The following FAM184A variants were observed in gnomAD, a reference collection of about 807,000 sequenced individuals.
FAM184A encodes the protein protein FAM184A.
A neutral mutation model predicts 143.8 loss-of-function variants in FAM184A; 99 were observed. That is an observed-to-expected ratio of 0.69 (90% CI 0.58 to 0.81). FAM184A has a LOEUF of 0.81. Ranked by LOEUF, FAM184A falls within the 40% of genes least tolerant of loss-of-function variation. The pLI is 0.00. For synonymous variants in FAM184A, 427 were observed against 446.4 expected, an observed-to-expected ratio of 0.96 and a Z score of 0.55; for missense variants, 1,217 against 1,310.5, an observed-to-expected ratio of 0.93 and a Z score of 1.10.
chr6:118,997,928 C>T (rs1446898282), intron 9 of FAM184A, among the ~76,000 whole-genome samples: 1 of 152,118 alleles, frequency 6.6e-6, no homozygotes. Context: ...AAGCAGTTTA[C>T]AACAAACCTT....
chr6:119,078,200 T>C lies in FAM184A; in HGVS notation c.100A>G (p.Met34Val). The change falls in exon 1 of 18, where the codon ATG becomes GTG. Residue 34 changes from methionine (M) to valine (V), a missense_variant. Transcript: ENST00000338891. This position sits in a 1 kb window ranked among gnomAD's most constrained non-coding sequence, Gnocchi z 5.5. ...PATAQLAGHS[M>V]DYSQEMHLKM... ...AGGTGCATCTCCTGGCTGTAGTCCATGCTGTGCCCAGCCAGCTGTGCGGTG... is the reference window on the plus strand; with the variant it reads ...AGGTGCATCTCCTGGCTGTAGTCCACGCTGTGCCCAGCCAGCTGTGCGGTG... The C allele has an allele frequency of 6.3e-7, 1 of 1,579,084 alleles. No individual in the cohort carries two copies.
chr6:119,124,175 C>T (rs1269662578), intron 1 of FAM184A, among the ~76,000 whole-genome samples: 1 of 152,122 alleles, frequency 6.6e-6, no homozygotes, highest in Non-Finnish European at 1.5e-5. Context: ...TATTTTAGTT[C>T]AAAGGATTTT....
rs750997735 is a variant in FAM184A at position 118,974,443 on chromosome 6, G to T, written c.2900C>A (p.Ala967Asp). 1.9e-6 allele frequency: 3 copies of T among 1,607,436 alleles called. No homozygotes were observed. In the Admixed American group the frequency reaches 5.1e-5, roughly 27 times the overall value. ...KTNELLKEINAALQVSLEEME... is the reference protein window; with the variant it reads ...KTNELLKEINDALQVSLEEME... ...TATGACTTACGACACTTGTAAAGCG[G>T]CATTTATTTCCTTGAGTAGCTCGTT... The change falls in exon 14 of 18, where the codon GCC (alanine) becomes GAC (aspartate). Residue 967 changes from alanine to aspartate, a missense_variant. Coordinates refer to ENST00000338891, the MANE Select transcript of FAM184A (RefSeq NM_024581.6).
At chr6:119,073,182 A>G (rs894691062) in intron 1 of FAM184A, among the ~76,000 whole-genome samples, 7 of 152,224 alleles carry the variant, frequency 4.6e-5, no homozygotes, top group African/African-American at 1.7e-4. Context: ...AAAGCCCAAC[A>G]AGGGTAGCTG....
In FAM184A at chr6:119,022,964, T is replaced by G. The variant is rs746513402; in HGVS notation, c.1131A>C (p.Ser377=). 5.1e-5 allele frequency: 83 copies of G among 1,614,080 alleles called. No individual in the cohort carries two copies. The highest frequency in any genetic ancestry group is 3.3e-4 in the Middle Eastern group (2 of 6,084). ...ACATACTAGCTTTGAGGACAAGATC[T>G]GAAGCTTGCTGTTGTAAACGTTCTC... ...AARERLQQQA[S]DLVLKASHIG... is the part of the protein sequence containing the mutation. Residue 377 remains serine (S), a synonymous_variant, in exon 3 of 18, where the codon TCA becomes TCC. Coordinates refer to ENST00000338891, the MANE Select transcript of FAM184A (RefSeq NM_024581.6).
Position 119,111,211 on chromosome 6 carries a change from C to T in FAM184A, c.-202+37867G>A, listed in dbSNP as rs369739254. On this transcript the variant is annotated intron_variant, in intron 1 of 16. Coordinates refer to the FAM184A transcript ENST00000352896. The stretch of plus-strand genomic sequence containing the variant: ...CAGCCTCAAAAAGGAAGTTTTGACA[C>T]GTTATCACATAGATGAGCCTTGAAG... Among the ~76,000 whole-genome samples the T allele has an allele frequency of 1.2e-4, 19 of 152,252 alleles. No homozygotes were observed. The East Asian group carries it at 1.5e-3, about 12-fold the overall frequency.
chr6:119,020,331 ATAC>A (rs1333987150), intron 3 of FAM184A, among the ~76,000 whole-genome samples, 172 bp from the exon 4 acceptor site: 1 of 152,246 alleles, frequency 6.6e-6, no homozygotes, highest in African/African-American at 2.4e-5. Context: ...TTACATGAAA[ATAC>A]TTCTTAGCGC....
chr6:119,080,391 AGTT>A (rs1330523489), upstream of FAM184A, among the ~76,000 whole-genome samples: 2 of 152,188 alleles, frequency 1.3e-5, no homozygotes, highest in African/African-American at 2.4e-5. Context: ...CCATCACATG[AGTT>A]TCCATCATCA....
chr6:119,055,647 T>C (rs1323957444), intron 1 of FAM184A, among the ~76,000 whole-genome samples: 4 of 152,246 alleles, frequency 2.6e-5, no homozygotes, highest in Admixed American at 2.6e-4. Context: ...CTACTGATGG[T>C]GACCTAATTC....
At chr6:119,021,209 T>A (rs1015151141) in intron 3 of FAM184A, among the ~76,000 whole-genome samples, 5 of 152,144 alleles carry the variant, frequency 3.3e-5, no homozygotes, top group African/African-American at 1.2e-4. Flanking sequence ...TAAAAACAAC[T>A]ATTTTAGAGG....
chr6:118,992,583 A>C (rs916019759), intron 9 of FAM184A, among the ~76,000 whole-genome samples: 11 of 152,308 alleles, frequency 7.2e-5, no homozygotes, highest in Admixed American at 2.6e-4. Flanking sequence ...TCAGACACCA[A>C]ATCTGCTGGC....
chr6:119,087,787 A>C (rs1336987719), intron 1 of FAM184A, among the ~76,000 whole-genome samples: 1 of 152,226 alleles, frequency 6.6e-6, no homozygotes, highest in East Asian at 1.9e-4. Context: ...TTGAAAAGAT[A>C]ATTTGTACAC....
chr6:119,017,022 A>C, intron 4 of FAM184A, 78 bp from the exon 5 acceptor site: 1 of 918,620 alleles, frequency 1.1e-6, no homozygotes, highest in Non-Finnish European at 1.7e-6. Context: ...ATACCCTATA[A>C]ATATGGAAGC....
intron 1 of FAM184A, among the ~76,000 whole-genome samples, chr6:119,070,641 G>T (rs1478770195): frequency 6.6e-6 from 1 of 151,818 alleles, no homozygotes; most frequent in Non-Finnish European, 1.5e-5. Context: ...GTAGAGATGG[G>T]ATCTCAATGT....
chr6:119,094,805 G>A (rs185347415), intron 1 of FAM184A, among the ~76,000 whole-genome samples: 11 of 151,870 alleles, frequency 7.2e-5, no homozygotes, highest in Admixed American at 3.9e-4. Flanking sequence ...ACTAATTACC[G>A]CAGTGGGCAA....
At chr6:119,091,397 A>G (rs747278201) in intron 1 of FAM184A, among the ~76,000 whole-genome samples, 1 of 152,144 alleles carries the variant, frequency 6.6e-6, no homozygotes, top group African/African-American at 2.4e-5. Flanking sequence ...CTATAGGCCA[A>G]ATCCTAATCA....
rs572842893 is a variant in FAM184A at position 119,034,384 on chromosome 6, T to C, written c.160-9571A>G. On this transcript the variant is annotated intron_variant, in intron 1 of 17. Transcript: ENST00000338891. ...CATTGTTTCATAAGATCAAAGACAGTAGCATTATTATTCCCAGGAAATTTA... is the reference window on the plus strand; with the variant it reads ...CATTGTTTCATAAGATCAAAGACAGCAGCATTATTATTCCCAGGAAATTTA... Among the ~76,000 whole-genome samples, 11 of 151,982 alleles carry C rather than the reference T, an allele frequency of 7.2e-5. No homozygotes were observed. The East Asian group carries it at 2.1e-3, about 29-fold the overall frequency.
intron 1 of FAM184A, chr6:119,057,915 TA>T (rs1158864082): frequency 1.4e-5 from 2 of 148,060 alleles, no homozygotes; most frequent in Non-Finnish European, 3.0e-5. Flanking sequence ...CAGAACACAT[TA>T]ACATTAGTGT....
intron 1 of FAM184A, among the ~76,000 whole-genome samples, chr6:119,040,331 G>C (rs1451500339): frequency 6.6e-6 from 1 of 152,148 alleles, no homozygotes; most frequent in Non-Finnish European, 1.5e-5. Flanking sequence ...CCTTCCTAGT[G>C]GTAAGAGATT....
Sources: allele counts gnomAD v4.1 joint callset (sites outside exome capture counted in the v4.1 genomes callset), GRCh38; gene constraint gnomAD v4.1.1; non-coding constraint Gnocchi (gnomAD v3.1); transcripts MANE v1.5; gene names NCBI Gene and HGNC (gene_info 2026-07-23, HGNC 2026-07-21).